CAMK2D: variants seen among roughly 807,000 people sequenced by gnomAD.
The protein encoded by CAMK2D is calcium/calmodulin dependent protein kinase II delta.
A neutral mutation model predicts 84.0 loss-of-function variants in CAMK2D; 37 were observed. The observed-to-expected ratio is 0.44, with a 90% CI of 0.34 to 0.58. The LOEUF (loss-of-function observed/expected upper bound fraction) is 0.58, where lower values mean the gene tolerates loss of function less well. CAMK2D is among the 20% of genes least tolerant of loss of function. The pLI is 0.02. For missense variants in CAMK2D, 448 were observed against 652.5 expected (o/e 0.69, Z 3.41); for synonymous variants, 202 against 212.5 (o/e 0.95, Z 0.43).
intron 3 of CAMK2D, among the ~76,000 whole-genome samples, chr4:113,642,100 G>A (rs991147452): frequency 1.1e-4 from 17 of 152,164 alleles, no homozygotes; most frequent in African/African-American, 2.6e-4. Flanking sequence ...CCTAGAGCCC[G>A]CTCCAGATCA....
chr4:113,722,987 T>C (rs1477411377), intron 2 of CAMK2D, among the ~76,000 whole-genome samples: 4 of 152,158 alleles, frequency 2.6e-5, no homozygotes, highest in African/African-American at 9.7e-5. Flanking sequence ...GAAGAATCTC[T>C]TTCTCTAACG....
intron 4 of CAMK2D, among the ~76,000 whole-genome samples, chr4:113,562,920 T>C (rs2098705059): frequency 6.6e-6 from 1 of 152,230 alleles, no homozygotes. Flanking sequence ...TTTGTCACTA[T>C]TCAACAATAC....
At chr4:113,513,688 T>A in intron 11 of CAMK2D, 142 bp downstream of exon 11, 1 of 611,770 alleles carries the variant, frequency 1.6e-6, no homozygotes, top group South Asian at 2.1e-5. Context: ...TATATTCCAT[T>A]TCCCAAGAGC....
intron 4 of CAMK2D, among the ~76,000 whole-genome samples, chr4:113,606,797 T>C (rs1431007015): frequency 6.6e-6 from 1 of 151,646 alleles, no homozygotes; most frequent in Non-Finnish European, 1.5e-5. Context: ...TCCAAATAAG[T>C]AAACTCCAAA....
At chr4:113,627,283 C>T (rs763464932) in intron 3 of CAMK2D, among the ~76,000 whole-genome samples, 9 of 152,116 alleles carry the variant, frequency 5.9e-5, no homozygotes, top group Non-Finnish European at 1.2e-4. Context: ...TTTTCCATTA[C>T]ATTTCACTGT....
At chr4:113,512,956 T>C (rs1265295544) in intron 12 of CAMK2D, among the ~76,000 whole-genome samples, 2 of 152,244 alleles carry the variant, frequency 1.3e-5, no homozygotes, top group African/African-American at 4.8e-5. Flanking sequence ...GTTATTACTT[T>C]ATGAAATATC....
intron 2 of CAMK2D, among the ~76,000 whole-genome samples, chr4:113,707,696 C>T (rs2099465376): frequency 6.6e-6 from 1 of 152,104 alleles, no homozygotes; most frequent in Non-Finnish European, 1.5e-5. Flanking sequence ...TATTATTGAA[C>T]ACAGTCAATT....
intron 16 of CAMK2D, 136 bp from the exon 17 acceptor site, chr4:113,465,740 C>T (rs2097452120): frequency 1.7e-6 from 1 of 605,174 alleles, no homozygotes; most frequent in Non-Finnish European, 2.9e-6. Flanking sequence ...TCACAGCTCC[C>T]TACAGCCTTG....
intron 16 of CAMK2D, among the ~76,000 whole-genome samples, chr4:113,491,725 C>G (rs1296153711): frequency 6.6e-6 from 1 of 152,104 alleles, no homozygotes; most frequent in Non-Finnish European, 1.5e-5. Context: ...GGTACCAGTT[C>G]CTCCTCGTAC....
At chr4:113,755,534 G>A (rs982873186) in intron 2 of CAMK2D, among the ~76,000 whole-genome samples, 3 of 151,794 alleles carry the variant, frequency 2.0e-5, no homozygotes, top group Non-Finnish European at 2.9e-5. Context: ...GGTTTCTAAC[G>A]ATCAAGAAAT....
At chr4:113,572,705 A>G (rs2098759713) in intron 4 of CAMK2D, among the ~76,000 whole-genome samples, 1 of 152,188 alleles carries the variant, frequency 6.6e-6, no homozygotes, top group African/African-American at 2.4e-5. Flanking sequence ...TAGTTCAATC[A>G]TTGTGGAAAG....
At chr4:113,714,294 CT>C (rs906549867) in intron 2 of CAMK2D, among the ~76,000 whole-genome samples, 8 of 152,092 alleles carry the variant, frequency 5.3e-5, no homozygotes, top group Non-Finnish European at 1.0e-4. Flanking sequence ...ATACCACATT[CT>C]TTTATTTACC....
chr4:113,654,465 T>C (rs1283535735), intron 3 of CAMK2D, among the ~76,000 whole-genome samples: 1 of 152,032 alleles, frequency 6.6e-6, no homozygotes, highest in East Asian at 1.9e-4. Flanking sequence ...ATATGGTAGG[T>C]AGCTGTAACT....
At chr4:113,668,832 TAAAA>T (rs1446146468) in intron 2 of CAMK2D, among the ~76,000 whole-genome samples, 28 of 152,242 alleles carry the variant, frequency 1.8e-4, no homozygotes, top group Non-Finnish European at 1.5e-5. Flanking sequence ...TGTAAATAAA[TAAAA>T]TTGTTCGGTT....
At chr4:113,635,972 T>C (rs1452683571) in intron 3 of CAMK2D, among the ~76,000 whole-genome samples, 1 of 152,254 alleles carries the variant, frequency 6.6e-6, no homozygotes, top group African/African-American at 2.4e-5. Context: ...TCAAATATTT[T>C]AAATAACATT....
intron 5 of CAMK2D, chr4:113,548,786 A>G: frequency 1.3e-6 from 1 of 780,698 alleles, no homozygotes; most frequent in East Asian, 2.6e-5. Flanking sequence ...ACATAATCAC[A>G]TTGAATATGA....
intron 3 of CAMK2D, among the ~76,000 whole-genome samples, chr4:113,615,460 G>C (rs754196238): frequency 6.6e-6 from 1 of 151,936 alleles, no homozygotes; most frequent in Non-Finnish European, 1.5e-5. Context: ...CTTCTAGAGA[G>C]AAAACTTTTC....
At chr4:113,589,351 T>C (rs7675804) in intron 4 of CAMK2D, among the ~76,000 whole-genome samples, 110,273 of 151,930 alleles carry the variant, frequency 0.73, 40,298 homozygotes, top group Middle Eastern at 0.78. Context: ...ATTCAAGATA[T>C]ATTCAAGTTC....
chr4:113,493,798 G>T (rs1312102879), intron 16 of CAMK2D, among the ~76,000 whole-genome samples: 1 of 151,332 alleles, frequency 6.6e-6, no homozygotes, highest in African/African-American at 2.4e-5. Flanking sequence ...CGTAGATTTG[G>T]TCTTTTCACA....
Sources: gnomAD v4.1 joint callset for allele counts (sites outside exome capture counted in the v4.1 genomes callset) on GRCh38, gnomAD v4.1.1 for gene constraint, MANE v1.5 for transcripts, NCBI Gene and HGNC (gene_info 2026-07-23, HGNC 2026-07-21) for gene names.